SH3D21: variants seen among roughly 807,000 people sequenced by gnomAD.
SH3D21 encodes the protein manchette microtubule inner protein 1, also known as SH3 domain-containing protein 21.
Under a neutral mutation model 82.1 loss-of-function variants are expected in SH3D21, and 83 were observed. The ratio of observed to expected loss-of-function variants is 1.01; its 90% CI spans 0.85 to 1.21. The LOEUF (loss-of-function observed/expected upper bound fraction) is 1.21, where lower values mean the gene tolerates loss of function less well. Ranked by LOEUF, SH3D21 falls within the 50% of genes most tolerant of loss-of-function variation. The pLI is 0.00. For missense variants in SH3D21, 980 were observed against 962.1 expected, an observed-to-expected ratio of 1.02 and a Z score of -0.25; for synonymous variants, 383 against 387.8, an observed-to-expected ratio of 0.99 and a Z score of 0.15.
intron 10 of SH3D21, among the ~76,000 whole-genome samples, chr1:36,314,113 C>T (rs983520713): frequency 2.7e-5 from 4 of 150,196 alleles, no homozygotes; most frequent in African/African-American, 9.8e-5. Context: ...GTAGCTGGGA[C>T]TACAGGCGCC....
In SH3D21 at chr1:36,308,349, G is replaced by C; in HGVS notation, c.640-40G>C. Reference sequence around the variant, plus strand: ...GTGGGACCCCGGAAAGGACCTTGGGGGACCTGGCTCACCTCCCCACTGGCG... The same window carrying C: ...GTGGGACCCCGGAAAGGACCTTGGGCGACCTGGCTCACCTCCCCACTGGCG... On this transcript the variant is annotated intron_variant, in intron 8 of 15. Transcript: ENST00000453908. 5 of 1,540,842 alleles carry C rather than the reference G, an allele frequency of 3.2e-6. No homozygotes were observed. In the South Asian group the frequency reaches 4.8e-5, roughly 15 times the overall value.
At position 36,320,595 on chromosome 1, in the gene SH3D21, G is replaced by A. The variant is rs138341779; in HGVS notation, c.1932G>A (p.Glu644=). The A allele has an allele frequency of 6.9e-5, 112 of 1,614,136 alleles. 1 individual carries two copies. Among genetic ancestry groups the A allele is most frequent in the Middle Eastern group, 1.6e-4 (1 of 6,084 alleles). Residue 644 remains glutamate (E), a synonymous_variant, in exon 14 of 16, where the codon GAG becomes GAA. Transcript: ENST00000453908. ...LPPKEEVAPK[E]EVPPIERAFA... ...CTAAAGAGGAAGTGGCTCCAAAAGA[G>A]GAGGTGCCCCCCATAGAAAGAGCCT...
At chr1:36,326,021 AG>A (rs1646540636), downstream of SH3D21, among the ~76,000 whole-genome samples, 1 of 152,204 alleles carries the variant, frequency 6.6e-6, no homozygotes, top group South Asian at 2.1e-4. Flanking sequence ...TGGCTCTCAC[AG>A]GGACATCCAC....
chr1:36,326,978 T>C (rs188043241), downstream of SH3D21, among the ~76,000 whole-genome samples: 3 of 152,248 alleles, frequency 2.0e-5, no homozygotes, highest in East Asian at 1.9e-4. Context: ...CTGAAAATGA[T>C]ATTTGAGAGT....
chr1:36,319,843 G>A lies in SH3D21; in HGVS notation c.1180G>A (p.Asp394Asn), dbSNP rs749449765. The A allele has an allele frequency of 1.9e-6, 3 of 1,613,776 alleles. No individual in the cohort carries two copies. Among genetic ancestry groups the A allele is most frequent in the Admixed American group, 1.7e-5 (1 of 59,968 alleles). Residue 394 changes from aspartate (D) to asparagine (N), a missense_variant, in exon 14 of 16, where the codon GAC becomes AAC. Physicochemically the swap from Asp to Asn is conservative, Grantham distance 23. Coordinates refer to ENST00000453908, the MANE Select transcript of SH3D21 (RefSeq NM_001162530.2). ...PSPEKTLTLG[D>N]KASIPGNSTS... ...CCCAGAGAAGACCCTCACTCTAGGG[G>A]ACAAGGCCTCTATCCCAGGGAACTC... is the stretch of plus-strand genomic sequence containing the variant.
chr1:36,321,402 G>T (rs1361473118), downstream of SH3D21: 1 of 1,322,146 alleles, frequency 7.6e-7, no homozygotes, highest in Non-Finnish European at 9.8e-7. The surrounding 1 kb of genome is among the most constrained non-coding windows in gnomAD (Gnocchi z 6.1). Flanking sequence ...GCGGGGGAGG[G>T]TGTCTCCTTC....
At chr1:36,328,342 C>T, downstream of SH3D21, 1 of 362,052 alleles carries the variant, frequency 2.8e-6, no homozygotes, top group Non-Finnish European at 5.5e-6. Flanking sequence ...TGGGCCTCAC[C>T]CTACCACGGG....
intron 10 of SH3D21, among the ~76,000 whole-genome samples, chr1:36,315,275 CA>C (rs1266184170): frequency 1.5e-4 from 21 of 144,012 alleles, no homozygotes; most frequent in South Asian, 2.2e-4. Context: ...GACTCTGTCT[CA>C]AAAAAAAAAA....
downstream of SH3D21, among the ~76,000 whole-genome samples, chr1:36,325,132 G>A (rs1293036940): frequency 2.6e-5 from 4 of 151,964 alleles, no homozygotes; most frequent in Non-Finnish European, 4.4e-5. Context: ...TACCTCCTGG[G>A]CTCAAGTGAG....
downstream of SH3D21, chr1:36,323,172 G>T: frequency 1.1e-6 from 1 of 950,088 alleles, no homozygotes; most frequent in South Asian, 1.7e-5. Flanking sequence ...GTTCCACCCT[G>T]GAGAGAGCGC....
rs141237600 is a variant in SH3D21, at chr1:36,320,199, G to A, written c.1536G>A (p.Leu512=). Residue 512 remains leucine, a synonymous_variant, in exon 14 of 16, where the codon CTG becomes CTA. Coordinates refer to ENST00000453908, the MANE Select transcript of SH3D21 (RefSeq NM_001162530.2). ...QFHHFSSEEA[L]QKVKYFVAKE... The stretch of plus-strand genomic sequence containing the variant: ...ATCACTTCTCTTCGGAGGAAGCCCT[G>A]CAGAAGGTCAAGTACTTTGTAGCCA... 1.9e-6 allele frequency: 3 copies of A among 1,613,268 alleles called. No individual in the cohort carries two copies. The African/African-American group carries it at 4.0e-5, about 22-fold the overall frequency.
At chr1:36,315,601 G>A (rs1646329224) in intron 10 of SH3D21, among the ~76,000 whole-genome samples, 1 of 152,016 alleles carries the variant, frequency 6.6e-6, no homozygotes, top group South Asian at 2.1e-4. Context: ...CGCCCACCTC[G>A]GCCTCCCAAA....
downstream of SH3D21, chr1:36,321,505 G>A: frequency 1.2e-6 from 1 of 820,572 alleles, no homozygotes; most frequent in Non-Finnish European, 1.6e-6. This position sits in a 1 kb window ranked among gnomAD's most constrained non-coding sequence, Gnocchi z 6.1. Flanking sequence ...GAATCCAGCT[G>A]TGCGCCGGGG....
intron 10 of SH3D21, among the ~76,000 whole-genome samples, chr1:36,311,016 C>T (rs1646229258): frequency 6.6e-6 from 1 of 151,846 alleles, no homozygotes; most frequent in South Asian, 2.1e-4. Flanking sequence ...TCAAGCGATT[C>T]TCCTGCCTCT....
Position 36,320,332 on chromosome 1 carries a change from G to A in SH3D21, c.1669G>A (p.Gly557Arg). 6.2e-7 allele frequency: 1 copy of A among 1,613,224 alleles called. No homozygotes were observed. The highest frequency in any genetic ancestry group is 2.2e-5 in the East Asian group (1 of 44,852). The part of the protein sequence containing the change: ...LGEMKCTLVR[G>R]DSSPRQAELK... ...AGAGATGAAATGTACCCTAGTTAGAGGGGACAGCTCCCCACGCCAGGCTGA... is the reference window on the plus strand; with the variant it reads ...AGAGATGAAATGTACCCTAGTTAGAAGGGACAGCTCCCCACGCCAGGCTGA... Residue 557 changes from glycine to arginine, a missense_variant, in exon 14 of 16, where the codon GGG (glycine) becomes AGG (arginine). By Grantham distance (125) the Gly-to-Arg change is moderately radical. Coordinates refer to ENST00000453908, the MANE Select transcript of SH3D21 (RefSeq NM_001162530.2).
rs775452178 is a variant in SH3D21 at position 36,321,131 on chromosome 1, T to TGGGCCTGGGAAGGGACCGCGGCC, written c.*5_*27dup. Reference sequence around the variant, plus strand: ...CACGCAGACGCAGACCTACTGAGGGTGGGCCTGGGAAGGGACCGCGGCCTG... The same window carrying TGGGCCTGGGAAGGGACCGCGGCC: ...CACGCAGACGCAGACCTACTGAGGGTGGGCCTGGGAAGGGACCGCGGCCGGGCCTGGGAAGGGACCGCGGCCTG... On this transcript the variant is annotated 3_prime_UTR_variant, in exon 16 of 16. Transcript: ENST00000453908. This position sits in a 1 kb window ranked among gnomAD's most constrained non-coding sequence, Gnocchi z 6.1. The TGGGCCTGGGAAGGGACCGCGGCC allele has an allele frequency of 1.4e-5, 22 of 1,609,880 alleles. No individual in the cohort carries two copies. The highest frequency in any genetic ancestry group is 2.2e-5 in the East Asian group (1 of 44,778).
At chr1:36,312,224 C>T (rs922364126) in intron 10 of SH3D21, among the ~76,000 whole-genome samples, 1 of 151,288 alleles carries the variant, frequency 6.6e-6, no homozygotes, top group Non-Finnish European at 1.5e-5. Flanking sequence ...CGGGTTTCAC[C>T]ATGTTAGCCA....
At chr1:36,321,576 C>A, downstream of SH3D21, 1 of 819,426 alleles carries the variant, frequency 1.2e-6, no homozygotes, top group Non-Finnish European at 1.6e-6. This position sits in a 1 kb window ranked among gnomAD's most constrained non-coding sequence, Gnocchi z 6.1. Flanking sequence ...CCTGTCCGCT[C>A]AGAGGGACTC....
downstream of SH3D21, chr1:36,328,049 C>T (rs1557495435): frequency 2.1e-6 from 1 of 469,622 alleles, no homozygotes; most frequent in Admixed American, 2.3e-5. Flanking sequence ...CAGGACTTAT[C>T]TGCTGTCTGC....
Sources: gnomAD v4.1 joint callset for allele counts (sites outside exome capture counted in the v4.1 genomes callset) on GRCh38, gnomAD v4.1.1 for gene constraint, Gnocchi (gnomAD v3.1) non-coding constraint, MANE v1.5 for transcripts, NCBI Gene and HGNC (gene_info 2026-07-23, HGNC 2026-07-21) for gene names.